Variants in SH3BP2 observed in about 807,000 individuals in gnomAD.
The protein encoded by SH3BP2 is SH3 domain binding protein 2, also known as SH3 domain-binding protein 2.
Under a neutral mutation model 56.2 loss-of-function variants are expected in SH3BP2, and 38 were observed. The observed-to-expected ratio is 0.68, with a 90% CI of 0.52 to 0.89. The LOEUF (loss-of-function observed/expected upper bound fraction) is 0.89, where lower values mean the gene tolerates loss of function less well. Among genes scored for constraint, SH3BP2 ranks in the 40% least tolerant of loss-of-function variants. The pLI, the probability that SH3BP2 is intolerant of heterozygous loss-of-function variation, is 0.00. For missense variants in SH3BP2, 748 were observed against 762.6 expected (o/e 0.98, Z 0.23); for synonymous variants, 346 against 316.7 (o/e 1.09, Z -0.98).
At position 2,829,521 on chromosome 4, in the gene SH3BP2, A is replaced by C. The variant is rs769154493; in HGVS notation, c.615A>C (p.Pro205=). 1 of 1,612,878 alleles carries C rather than the reference A, an allele frequency of 6.2e-7. No homozygotes were observed. Among genetic ancestry groups the C allele is most frequent in the African/African-American group, 1.3e-5 (1 of 74,718 alleles). ...CCCTGATGCACCCACCGGCTTACCC[A>C]CCACCCCCAGTGCCCACGCCCAGGA... ...EDALMHPPAY[P]PPPVPTPRKP... is the part of the protein sequence containing the mutation. Residue 205 remains proline (P), a synonymous_variant, in exon 8 of 13, where the codon CCA becomes CCC. Coordinates refer to ENST00000503393, the MANE Select transcript of SH3BP2 (RefSeq NM_001122681.2). The surrounding 1 kb of genome is among the most constrained non-coding windows in gnomAD (Gnocchi z 4.9).
At chr4:2,832,942 T>C (rs904251407) in intron 11 of SH3BP2, 48 bp from the exon 12 acceptor site, 6 of 1,589,920 alleles carry the variant, frequency 3.8e-6, no homozygotes, top group Non-Finnish European at 3.5e-6. Context: ...CCGAGGCTGG[T>C]CCCGCTGTTT....
At chr4:2,832,749 C>T (rs914162481) in intron 11 of SH3BP2, among the ~76,000 whole-genome samples, 1 of 152,200 alleles carries the variant, frequency 6.6e-6, no homozygotes, top group African/African-American at 2.4e-5. Context: ...GAGCCATGCT[C>T]TCCCGGGTGT....
chr4:2,822,310 C>T (rs1482959478), intron 2 of SH3BP2, among the ~76,000 whole-genome samples: 6 of 152,182 alleles, frequency 3.9e-5, no homozygotes, highest in Admixed American at 3.3e-4. Context: ...TGTATGCCAC[C>T]GTGTCCGGCT....
chr4:2,802,442 GTA>G (rs1553802025), intron 1 of SH3BP2, among the ~76,000 whole-genome samples: 21 of 142,664 alleles, frequency 1.5e-4, no homozygotes, highest in South Asian at 4.4e-4. Context: ...GTGTGTGTGT[GTA>G]TGTATATATG....
chr4:2,824,889 C>T, intron 4 of SH3BP2, 159 bp downstream of exon 4: 1 of 684,910 alleles, frequency 1.5e-6, no homozygotes, highest in Non-Finnish European at 2.6e-6. Flanking sequence ...TGGGTGGGTG[C>T]TGCCCCAGCT....
chr4:2,817,652 G>C (rs1036560288), intron 1 of SH3BP2, among the ~76,000 whole-genome samples: 3 of 152,218 alleles, frequency 2.0e-5, no homozygotes, highest in African/African-American at 7.2e-5. Flanking sequence ...GGACTCTCCT[G>C]GGTGAGGTGC....
Position 2,835,595 on chromosome 4 carries a change from CA to C in SH3BP2, c.*1762del, listed in dbSNP as rs1725202264. On this transcript the variant is annotated 3_prime_UTR_variant, in exon 13 of 13. Coordinates refer to ENST00000503393, the MANE Select transcript of SH3BP2 (RefSeq NM_001122681.2). ...GAGTCATGCCACTCCCCACTGTGGC[CA>C]TAGTTTCTCTTCCTGTAAAATTTTA... 3 of 152,146 alleles carry C rather than the reference CA, an allele frequency of 2.0e-5. No individual in the cohort carries two copies. The highest frequency in any genetic ancestry group is 4.4e-5 in the Non-Finnish European group (3 of 68,038). The allele number at this position is 152,146 out of a possible 1,614,324, so 9.4% of individuals were successfully genotyped here.
At chr4:2,812,474 TCAG>T (rs1163900297) in intron 1 of SH3BP2, 22 of 1,549,826 alleles carry the variant, frequency 1.4e-5, no homozygotes, top group African/African-American at 4.1e-5. Flanking sequence ...GTCAGCACCA[TCAG>T]GTCAGTGGGG....
At chr4:2,813,336 T>G (rs1339592462) in intron 1 of SH3BP2, among the ~76,000 whole-genome samples, 1 of 151,466 alleles carries the variant, frequency 6.6e-6, no homozygotes, top group Non-Finnish European at 1.5e-5. Flanking sequence ...TTGGCCAAGT[T>G]TCTTCGTCAG....
chr4:2,824,803 T>G (rs1724508106), intron 4 of SH3BP2, 73 bp downstream of exon 4: 1 of 1,176,250 alleles, frequency 8.5e-7, no homozygotes, highest in South Asian at 1.2e-5. Flanking sequence ...TGGACCTGCC[T>G]TGGGGGCTCG....
At chr4:2,802,440 G>GTGTGTT (rs1288683235) in intron 1 of SH3BP2, among the ~76,000 whole-genome samples, 1 of 145,664 alleles carries the variant, frequency 6.9e-6, no homozygotes, top group Non-Finnish European at 1.5e-5. Flanking sequence ...GTGTGTGTGT[G>GTGTGTT]TGTATGTATA....
In SH3BP2 at chr4:2,827,347, G is replaced by T. The variant is rs375513553; in HGVS notation, c.517+29G>T. On this transcript the variant is annotated intron_variant, in intron 6 of 12. Coordinates refer to ENST00000503393, the MANE Select transcript of SH3BP2 (RefSeq NM_001122681.2). ...AGGTCTTTCTCCGCATCCACTGCCC[G>T]TTTGCCTCTCCCCACCTGGCCTCCT... 43 of 1,596,278 alleles carry T rather than the reference G, an allele frequency of 2.7e-5. No individual in the cohort carries two copies. The African/African-American group carries it at 3.3e-4, about 12-fold the overall frequency.
At position 2,823,051 on chromosome 4, in the gene SH3BP2, C is replaced by G. The variant is rs1289291299; in HGVS notation, c.239+14C>G. 1 of 1,594,292 alleles carries G rather than the reference C, an allele frequency of 6.3e-7. No homozygotes were observed. The highest frequency in any genetic ancestry group is 8.6e-7 in the Non-Finnish European group (1 of 1,162,892). ...TGGCTATAACCGGTAAGTGCCCGAC[C>G]TGCCTGCTGACCTCGGGCCCCCACA... On this transcript the variant is annotated intron_variant, in intron 3 of 12. Transcript: ENST00000503393.
intron 1 of SH3BP2, among the ~76,000 whole-genome samples, chr4:2,806,938 A>G: frequency 6.6e-6 from 1 of 152,250 alleles, no homozygotes; most frequent in Non-Finnish European, 1.5e-5. Context: ...CCCAGGTGCC[A>G]TGCAGGCAGC....
rs1175579017 is a variant in SH3BP2 at position 2,822,786 on chromosome 4, C to A, written c.137-149C>A. Reference sequence around the variant, plus strand: ...CCAGAGTGGGCTCCTGGGGAGGGGGCAGCATGCCAGCCTTGCTCCCTGCTC... The same window carrying A: ...CCAGAGTGGGCTCCTGGGGAGGGGGAAGCATGCCAGCCTTGCTCCCTGCTC... On this transcript the variant is annotated intron_variant, in intron 2 of 12. Transcript: ENST00000503393. 9 of 680,848 alleles carry A rather than the reference C, an allele frequency of 1.3e-5. No individual in the cohort carries two copies. In the East Asian group the frequency reaches 2.5e-4, roughly 19 times the overall value. The allele number at this position is 680,848 out of a possible 1,614,324, so 42.2% of individuals were successfully genotyped here.
intron 5 of SH3BP2, among the ~76,000 whole-genome samples, chr4:2,826,094 A>G (rs1019972476): frequency 4.6e-5 from 7 of 152,268 alleles, no homozygotes; most frequent in African/African-American, 1.7e-4. Flanking sequence ...GAGTCGCCCA[A>G]GCCCTCTTGA....
At chr4:2,819,311 C>T (rs1298417061) in intron 1 of SH3BP2, among the ~76,000 whole-genome samples, 4 of 152,348 alleles carry the variant, frequency 2.6e-5, no homozygotes, top group African/African-American at 9.6e-5. Flanking sequence ...CCTCAAACTC[C>T]TGGGCTCAAG....
chr4:2,804,998 C>G (rs1039294920), intron 1 of SH3BP2, among the ~76,000 whole-genome samples: 4 of 152,222 alleles, frequency 2.6e-5, no homozygotes, highest in African/African-American at 9.6e-5. Flanking sequence ...TTGGGGGCTC[C>G]CTGCCCCTCC....
rs763921966 is a variant in SH3BP2 at position 2,812,019 on chromosome 4, C to T, written c.-4-8595C>T. The T allele has an allele frequency of 1.4e-4, 58 of 412,102 alleles. 1 individual carries two copies. Among genetic ancestry groups the T allele is most frequent in the Admixed American group, 3.4e-4 (8 of 23,360 alleles). 25.5% of individuals were successfully genotyped at this position (412,102 alleles called of 1,614,324 possible). On this transcript the variant is annotated intron_variant, in intron 1 of 12. Transcript: ENST00000503393. ...AGCCGAGTATTCAGAGGTGGCCCTGCGGGGAGGCAGCAGGGAGCTTCCTCC... is the reference window on the plus strand; with the variant it reads ...AGCCGAGTATTCAGAGGTGGCCCTGTGGGGAGGCAGCAGGGAGCTTCCTCC...
Sources: allele counts gnomAD v4.1 joint callset (sites outside exome capture counted in the v4.1 genomes callset), GRCh38; gene constraint gnomAD v4.1.1; non-coding constraint Gnocchi (gnomAD v3.1); transcripts MANE v1.5; gene names NCBI Gene and HGNC (gene_info 2026-07-23, HGNC 2026-07-21).